Variants in GPC6 observed in about 807,000 individuals in gnomAD.
GPC6 encodes the protein glypican-6.
A neutral mutation model predicts 55.2 loss-of-function variants in GPC6; 14 were observed. The ratio of observed to expected loss-of-function variants is 0.25; its 90% CI spans 0.17 to 0.40. GPC6 has a LOEUF of 0.40. Among genes scored for constraint, GPC6 ranks in the 10% least tolerant of loss-of-function variants. The pLI is 1.00. For synonymous variants in GPC6, 278 were observed against 259.6 expected, an observed-to-expected ratio of 1.07 and a Z score of -0.68; for missense variants, 641 against 708.5, an observed-to-expected ratio of 0.90 and a Z score of 1.08.
intron 7 of GPC6, among the ~76,000 whole-genome samples, chr13:94,383,296 C>A (rs955128016): frequency 6.6e-6 from 1 of 152,012 alleles, no homozygotes; most frequent in African/African-American, 2.4e-5. Context: ...GGGTTGCAAG[C>A]GGGTAAAGTA....
intron 1 of GPC6, among the ~76,000 whole-genome samples, chr13:93,438,839 A>G (rs1002134766): frequency 1.3e-5 from 2 of 152,174 alleles, no homozygotes; most frequent in Non-Finnish European, 2.9e-5. Flanking sequence ...ATAGCATGCT[A>G]CAGGAAACTG....
At chr13:93,979,577 A>G (rs529686693) in intron 3 of GPC6, among the ~76,000 whole-genome samples, 1 of 152,166 alleles carries the variant, frequency 6.6e-6, no homozygotes, top group African/African-American at 2.4e-5. Context: ...ACAGAAATTG[A>G]AAGTAAGCAT....
intron 2 of GPC6, among the ~76,000 whole-genome samples, chr13:93,748,293 T>C (rs765725845): frequency 6.9e-4 from 105 of 152,310 alleles, no homozygotes; most frequent in Non-Finnish European, 7.9e-4. Context: ...GACTTTTAAA[T>C]GAGGTGAGGG....
At chr13:93,584,068 G>A (rs1368005449) in intron 2 of GPC6, among the ~76,000 whole-genome samples, 1 of 152,184 alleles carries the variant, frequency 6.6e-6, no homozygotes, top group Non-Finnish European at 1.5e-5. Flanking sequence ...GTGCCTCAGT[G>A]AAATTCAGGA....
At chr13:93,851,543 G>T (rs1371483983) in intron 3 of GPC6, among the ~76,000 whole-genome samples, 1 of 151,832 alleles carries the variant, frequency 6.6e-6, no homozygotes, top group East Asian at 1.9e-4. Context: ...CTGCAGTAGA[G>T]GGAAATAAGT....
intron 1 of GPC6, among the ~76,000 whole-genome samples, chr13:93,510,977 A>ATATATATG: frequency 5.4e-5 from 2 of 36,954 alleles, no homozygotes; most frequent in South Asian, 1.5e-3. Context: ...ATATGTGTAT[A>ATATATATG]TATATATGTG....
chr13:93,885,163 CA>C (rs1175845733), intron 3 of GPC6, among the ~76,000 whole-genome samples: 2 of 151,784 alleles, frequency 1.3e-5, no homozygotes, highest in Non-Finnish European at 2.9e-5. Context: ...TGGCAGAGTG[CA>C]AATTAATAGA....
At position 93,624,465 on chromosome 13, in the gene GPC6, CACTAAAATG is replaced by C. The variant is rs1205378311; in HGVS notation, c.319+79050_319+79058del. Among the ~76,000 whole-genome samples, 3 of 152,138 alleles carry C rather than the reference CACTAAAATG, an allele frequency of 2.0e-5. No individual in the cohort carries two copies. In the East Asian group the frequency reaches 5.8e-4, roughly 29 times the overall value. ...CTGTGTTATCTTAAACTTGGTTTCA[CACTAAAATG>C]ACTAAGAGCTATTTCATTGTGAATG... is the stretch of plus-strand genomic sequence containing the variant. On this transcript the variant is annotated intron_variant, in intron 2 of 8. Transcript: ENST00000377047.
chr13:93,403,435 G>A (rs1429374507), intron 1 of GPC6, among the ~76,000 whole-genome samples: 3 of 152,110 alleles, frequency 2.0e-5, no homozygotes, highest in East Asian at 1.9e-4. Flanking sequence ...AATCCGTTAG[G>A]TTTTGACCAC....
chr13:94,204,421 G>T (rs772355961), intron 4 of GPC6, among the ~76,000 whole-genome samples: 1 of 152,122 alleles, frequency 6.6e-6, no homozygotes, highest in Admixed American at 6.6e-5. Flanking sequence ...GCCTACAAAA[G>T]TGTGACAACA....
chr13:93,972,106 CA>C (rs1487349730), intron 3 of GPC6, among the ~76,000 whole-genome samples: 2 of 152,284 alleles, frequency 1.3e-5, no homozygotes, highest in South Asian at 4.1e-4. Flanking sequence ...AATGAAGCCA[CA>C]AAGGCTTGGT....
chr13:93,908,708 C>A lies in GPC6; in HGVS notation c.711+78163C>A, dbSNP rs190419960. Among the ~76,000 whole-genome samples the A allele has an allele frequency of 1.0e-3, 155 of 152,290 alleles. 3 individuals carry two copies. The highest frequency in any genetic ancestry group is 5.9e-4 in the Non-Finnish European group (40 of 68,022). On this transcript the variant is annotated intron_variant, in intron 3 of 8. Coordinates refer to ENST00000377047, the MANE Select transcript of GPC6 (RefSeq NM_005708.5). ...AGAGAATGTGACCCTCTCAGAAATT[C>A]TCTCCTGCGACTCTCAGGCTTTATT...
At chr13:93,396,444 T>G (rs1261151889) in intron 1 of GPC6, among the ~76,000 whole-genome samples, 3 of 151,962 alleles carry the variant, frequency 2.0e-5, no homozygotes, top group Non-Finnish European at 4.4e-5. Context: ...GCGCCAGTAA[T>G]CCCAGCTACT....
At chr13:93,809,035 A>G (rs1886621222) in intron 2 of GPC6, among the ~76,000 whole-genome samples, 1 of 152,226 alleles carries the variant, frequency 6.6e-6, no homozygotes, top group Non-Finnish European at 1.5e-5. Context: ...AGGAGAGAGA[A>G]TGAAGACAAA....
At chr13:93,294,587 A>G (rs1177154483) in intron 1 of GPC6, among the ~76,000 whole-genome samples, 2 of 152,180 alleles carry the variant, frequency 1.3e-5, no homozygotes, top group Non-Finnish European at 2.9e-5. Context: ...CAGTACACCA[A>G]GAAAACAAAG....
At chr13:93,957,839 A>G (rs1020897869) in intron 3 of GPC6, among the ~76,000 whole-genome samples, 7 of 152,210 alleles carry the variant, frequency 4.6e-5, no homozygotes, top group Non-Finnish European at 1.0e-4. Context: ...CATTCCCAGC[A>G]GCAGTGTATA....
At chr13:93,820,274 A>G (rs969509617) in intron 2 of GPC6, among the ~76,000 whole-genome samples, 2 of 152,248 alleles carry the variant, frequency 1.3e-5, no homozygotes, top group East Asian at 3.9e-4. Flanking sequence ...ACATTATTAT[A>G]TTCTTGATTT....
chr13:93,991,446 A>C (rs1881303047), intron 3 of GPC6, among the ~76,000 whole-genome samples: 1 of 152,176 alleles, frequency 6.6e-6, no homozygotes, highest in Non-Finnish European at 1.5e-5. Context: ...CCTTTGTTTG[A>C]GAGTAGATGT....
chr13:93,923,935 T>G (rs545003457), intron 3 of GPC6, among the ~76,000 whole-genome samples: 2 of 152,146 alleles, frequency 1.3e-5, no homozygotes, highest in Non-Finnish European at 2.9e-5. Flanking sequence ...TAAAGTGATG[T>G]AGCTTCAAAT....
Sources: gnomAD v4.1 joint callset for allele counts (sites outside exome capture counted in the v4.1 genomes callset) on GRCh38, gnomAD v4.1.1 for gene constraint, MANE v1.5 for transcripts, NCBI Gene and HGNC (gene_info 2026-07-23, HGNC 2026-07-21) for gene names.